Variants in GALNT17 observed in about 807,000 individuals in gnomAD.
GALNT17 encodes the protein UDP-GalNAc:polypeptide N-acetylgalactosaminyltransferase-like 3.
GALNT17 carries 29 observed loss-of-function variants against 63.7 expected under a neutral mutation model. The ratio of observed to expected loss-of-function variants is 0.46; its 90% CI spans 0.34 to 0.62. The LOEUF is 0.62. Ranked by LOEUF, GALNT17 falls within the 20% of genes least tolerant of loss-of-function variation. The pLI, the probability that GALNT17 is intolerant of heterozygous loss-of-function variation, is 0.01. For missense variants in GALNT17, 603 were observed against 799.6 expected (o/e 0.75, Z 2.97); for synonymous variants, 305 against 318.3 (o/e 0.96, Z 0.45).
chr7:71,141,094 C>T (rs915499052), intron 1 of GALNT17, among the ~76,000 whole-genome samples: 9 of 151,294 alleles, frequency 5.9e-5, no homozygotes, highest in Non-Finnish European at 8.8e-5. Flanking sequence ...CAGGGCCAGG[C>T]GTGGTGACTC....
At chr7:71,192,534 T>C (rs1016080579) in intron 1 of GALNT17, among the ~76,000 whole-genome samples, 1 of 152,058 alleles carries the variant, frequency 6.6e-6, no homozygotes, top group African/African-American at 2.4e-5. Flanking sequence ...TAGCCGGGAT[T>C]ACAAGTATGT....
intron 1 of GALNT17, among the ~76,000 whole-genome samples, chr7:71,265,897 C>T (rs1790484553): frequency 6.6e-6 from 1 of 152,162 alleles, no homozygotes. Flanking sequence ...CACATTTATT[C>T]TTATAGTTTT....
chr7:71,592,269 C>T (rs1394714277), intron 6 of GALNT17, among the ~76,000 whole-genome samples: 2 of 152,148 alleles, frequency 1.3e-5, no homozygotes, highest in African/African-American at 4.8e-5. Context: ...AGAGGAGCCA[C>T]TTGAGACAGG....
At chr7:71,459,698 G>A (rs1787418223) in intron 5 of GALNT17, among the ~76,000 whole-genome samples, 1 of 152,088 alleles carries the variant, frequency 6.6e-6, no homozygotes, top group African/African-American at 2.4e-5. Flanking sequence ...ATTGTGGGGG[G>A]GAAAATTGCA....
At chr7:71,667,715 A>G (rs1791005549) in intron 7 of GALNT17, among the ~76,000 whole-genome samples, 1 of 152,178 alleles carries the variant, frequency 6.6e-6, no homozygotes, top group Non-Finnish European at 1.5e-5. Flanking sequence ...ATGGGCAGGG[A>G]AGTCAGTTCA....
At chr7:71,235,873 C>A (rs1474958973) in intron 1 of GALNT17, among the ~76,000 whole-genome samples, 2 of 152,174 alleles carry the variant, frequency 1.3e-5, no homozygotes, top group African/African-American at 4.8e-5. Flanking sequence ...TTTGCATCTC[C>A]TGTGCCATTT....
At chr7:71,337,346 T>C (rs1791926635) in intron 2 of GALNT17, among the ~76,000 whole-genome samples, 1 of 152,196 alleles carries the variant, frequency 6.6e-6, no homozygotes, top group Non-Finnish European at 1.5e-5. Context: ...TGTTTTGATT[T>C]GATATTTATT....
At chr7:71,597,590 T>G (rs529775564) in intron 6 of GALNT17, among the ~76,000 whole-genome samples, 6 of 152,138 alleles carry the variant, frequency 3.9e-5, no homozygotes, top group Admixed American at 2.6e-4. Context: ...GTGAGCTGAA[T>G]GTGGTGTCAG....
chr7:71,271,488 G>A (rs145235645), intron 1 of GALNT17, among the ~76,000 whole-genome samples: 126 of 152,322 alleles, frequency 8.3e-4, no homozygotes, highest in Non-Finnish European at 1.4e-3. Context: ...CTTGGCTAAC[G>A]TGCCTAGGAG....
chr7:71,641,724 C>G (rs778350847), intron 6 of GALNT17, among the ~76,000 whole-genome samples: 3 of 151,912 alleles, frequency 2.0e-5, no homozygotes, highest in Non-Finnish European at 4.4e-5. Flanking sequence ...CATGGACATT[C>G]AATCCATTCC....
At chr7:71,706,446 C>T (rs1338467362) in intron 9 of GALNT17, among the ~76,000 whole-genome samples, 1 of 152,198 alleles carries the variant, frequency 6.6e-6, no homozygotes, top group African/African-American at 2.4e-5. Flanking sequence ...AATTAATGTT[C>T]TTAGTGCTGC....
At chr7:71,408,889 T>C (rs1245955508) in intron 3 of GALNT17, among the ~76,000 whole-genome samples, 5 of 151,524 alleles carry the variant, frequency 3.3e-5, no homozygotes, top group African/African-American at 1.2e-4. Flanking sequence ...TGTCTCTGTA[T>C]ATGTGTGTGT....
At chr7:71,353,976 G>C (rs903175502) in intron 2 of GALNT17, among the ~76,000 whole-genome samples, 1 of 152,146 alleles carries the variant, frequency 6.6e-6, no homozygotes, top group Admixed American at 6.5e-5. Flanking sequence ...AGATGAAGGG[G>C]AAGAAAGGTT....
chr7:71,545,647 C>T (rs1339126705), intron 5 of GALNT17, among the ~76,000 whole-genome samples: 1 of 152,208 alleles, frequency 6.6e-6, no homozygotes, highest in Admixed American at 6.5e-5. Context: ...CCACCACAGC[C>T]AGCCTGATTT....
intron 5 of GALNT17, among the ~76,000 whole-genome samples, chr7:71,497,337 A>T (rs754643212): frequency 6.6e-6 from 1 of 152,200 alleles, no homozygotes; most frequent in Non-Finnish European, 1.5e-5. Context: ...GAGGCCAGAA[A>T]TCCGAGATGA....
chr7:71,585,629 G>GT lies in GALNT17; in HGVS notation c.1080+14236dup, dbSNP rs202184176. On this transcript the variant is annotated intron_variant, in intron 6 of 10. Transcript: ENST00000333538. ...TTTCCTCAATAATATGGACTCAAGGGTTTTTTTTTAAATAAATATTTTATA... is the reference window on the plus strand; with the variant it reads ...TTTCCTCAATAATATGGACTCAAGGGTTTTTTTTTTAAATAAATATTTTATA... 3.1e-3 allele frequency among the ~76,000 whole-genome samples: 473 copies of GT among 150,664 alleles called. 3 individuals carry two copies. Among genetic ancestry groups the GT allele is most frequent in the African/African-American group, 0.011 (453 of 41,034 alleles).
intron 1 of GALNT17, among the ~76,000 whole-genome samples, chr7:71,259,640 T>TTTG (rs1790348485): frequency 6.8e-6 from 1 of 146,298 alleles, no homozygotes; most frequent in African/African-American, 2.6e-5. Context: ...TGTTTTTTGT[T>TTTG]TTTTTGTTTT....
At chr7:71,342,524 G>A (rs767406340) in intron 2 of GALNT17, among the ~76,000 whole-genome samples, 6 of 151,938 alleles carry the variant, frequency 3.9e-5, no homozygotes, top group Non-Finnish European at 8.8e-5. Context: ...AAAAAGCAAA[G>A]CAATTAATAC....
rs376135906 is a variant in GALNT17 at position 71,694,125 on chromosome 7, C to T, written c.1501-16636C>T. ...CCTGGTGGCAGACAAGAGAAGAGAA[C>T]TTGTGCAGGGAAACTCCCCTTTATA... On this transcript the variant is annotated intron_variant, in intron 9 of 10. Transcript: ENST00000333538. Among the ~76,000 whole-genome samples, 8 of 152,186 alleles carry T rather than the reference C, an allele frequency of 5.3e-5. No individual in the cohort carries two copies. The East Asian group carries it at 1.2e-3, about 22-fold the overall frequency.
Sources: gnomAD v4.1 joint callset for allele counts (sites outside exome capture counted in the v4.1 genomes callset) on GRCh38, gnomAD v4.1.1 for gene constraint, MANE v1.5 for transcripts, NCBI Gene and HGNC (gene_info 2026-07-23, HGNC 2026-07-21) for gene names.